Variants in ZNF699 observed in about 807,000 individuals in gnomAD.
ZNF699 encodes hangover homolog.
ZNF699 carries 18 observed loss-of-function variants against 22.5 expected under a neutral mutation model. The ratio of observed to expected loss-of-function variants is 0.80; its 90% CI spans 0.55 to 1.19. The LOEUF (loss-of-function observed/expected upper bound fraction) is 1.19. Ranked by LOEUF, ZNF699 falls within the 50% of genes most tolerant of loss-of-function variation. The pLI is 0.00. For missense variants in ZNF699, 670 were observed against 763.4 expected (o/e 0.88, Z 1.44); for synonymous variants, 241 against 262.3 (o/e 0.92, Z 0.78).
In ZNF699 at chr19:9,297,846, C is replaced by G. The variant is rs774565814; in HGVS notation, c.286+34G>C. The G allele has an allele frequency of 1.3e-6, 2 of 1,529,616 alleles. No homozygotes were observed. Among genetic ancestry groups the G allele is most frequent in the Non-Finnish European group, 1.8e-6 (2 of 1,111,324 alleles). 94.8% of individuals were successfully genotyped at this position (1,529,616 alleles called of 1,614,324 possible). ...TTTTTACTTTAAGTTTATTTTTTCCCCCAACCAAAACAGTTTCTCCCAAGG... is the reference window on the plus strand; with the variant it reads ...TTTTTACTTTAAGTTTATTTTTTCCGCCAACCAAAACAGTTTCTCCCAAGG... On this transcript the variant is annotated intron_variant, in intron 4 of 5. Coordinates refer to ENST00000591998, the MANE Select transcript of ZNF699 (RefSeq NM_198535.3). The surrounding 1 kb of genome is among the most constrained non-coding windows in gnomAD (Gnocchi z 4.3).
At position 9,305,272 on chromosome 19, in the gene ZNF699, C is replaced by A. The variant is rs971686720; in HGVS notation, c.-5-148G>T. ...CAACTCCCCTCAAAACACATACACA[C>A]ACACACACACACACATGCACACACC... On this transcript the variant is annotated intron_variant, in intron 1 of 5. Coordinates refer to ENST00000591998, the MANE Select transcript of ZNF699 (RefSeq NM_198535.3). 3.0e-5 allele frequency: 19 copies of A among 624,008 alleles called. No homozygotes were observed. In the Admixed American group the frequency reaches 4.1e-4, roughly 14 times the overall value. 38.7% of individuals were successfully genotyped at this position (624,008 alleles called of 1,614,324 possible). A position where few individuals can be genotyped will look rare whatever the true frequency, so the allele number is the denominator to read the frequency against.
In ZNF699 at chr19:9,296,884, C is replaced by G; in HGVS notation, c.520G>C (p.Gly174Arg). Residue 174 changes from glycine (G) to arginine (R), a missense_variant, in exon 6 of 6, where the codon GGA becomes CGA. Gly to Arg is a moderately radical substitution (Grantham distance 125). Transcript: ENST00000591998. ...IYECYEENQD[G>R]QTFSQVPNLD... The stretch of plus-strand genomic sequence containing the variant: ...TTTGGAACTTGGCTGAAAGTCTGTC[C>G]ATCTTGATTTTCTTCATAACATTCA... 6.2e-7 allele frequency: 1 copy of G among 1,612,962 alleles called. No homozygotes were observed. The highest frequency in any genetic ancestry group is 8.5e-7 in the Non-Finnish European group (1 of 1,179,048).
rs1332793799 is a variant in ZNF699, at chr19:9,295,932, G to A, written c.1472C>T (p.Thr491Ile). 1 of 1,613,946 alleles carries A rather than the reference G, an allele frequency of 6.2e-7. No homozygotes were observed. Among genetic ancestry groups the A allele is most frequent in the Non-Finnish European group, 8.5e-7 (1 of 1,180,002 alleles). The stretch of plus-strand genomic sequence containing the variant: ...TCCGCTGTGAGTTCTTAGGTGTTCG[G>A]TGAGGGATGAGGAACGACTAAAGGT... ...GKTFSRSSSL[T>I]EHLRTHSGEK... The change falls in exon 6 of 6, where the codon ACC becomes ATC. Residue 491 changes from threonine (T) to isoleucine (I), a missense_variant. Transcript: ENST00000591998.
In ZNF699 at chr19:9,292,407, T is replaced by C. The variant is rs2066268474; in HGVS notation, c.*3068A>G. Among the ~76,000 whole-genome samples the C allele has an allele frequency of 6.6e-6, 1 of 152,140 alleles. No homozygotes were observed. The highest frequency in any genetic ancestry group is 2.1e-4 in the South Asian group (1 of 4,832). ...GAACCACTCAAAAAGACAATCACTC[T>C]TTTCTCCCTGAGACTTTAAGTTGGG... On this transcript the variant is annotated 3_prime_UTR_variant, in exon 6 of 6. Coordinates refer to ENST00000591998, the MANE Select transcript of ZNF699 (RefSeq NM_198535.3).
At position 9,295,555 on chromosome 19, in the gene ZNF699, A is replaced by C. The variant is rs1237555499; in HGVS notation, c.1849T>G (p.Cys617Gly). ...ACAAAGGCTTTCCCACATTCCTTAC[A>C]TTCATAGGGTTTCTCTCCAGTGTGG... is the stretch of plus-strand genomic sequence containing the variant. ...RSHTGEKPYE[C>G]KECGKAFVCP... Residue 617 changes from cysteine to glycine, a missense_variant, in exon 6 of 6, where the codon TGT becomes GGT. Cys to Gly is a radical substitution (Grantham distance 159). Transcript: ENST00000591998. The C allele has an allele frequency of 6.2e-7, 1 of 1,614,054 alleles. No individual in the cohort carries two copies. The highest frequency in any genetic ancestry group is 1.1e-5 in the South Asian group (1 of 91,090).
At position 9,293,924 on chromosome 19, in the gene ZNF699, C is replaced by T. The variant is rs1414580111; in HGVS notation, c.*1551G>A. On this transcript the variant is annotated 3_prime_UTR_variant, in exon 6 of 6. Transcript: ENST00000591998. ...GTACCTGAAGCAATTCATCTTCTTACATTTAAAAAAAAAAAAAAAGCAGTA... is the reference window on the plus strand; with the variant it reads ...GTACCTGAAGCAATTCATCTTCTTATATTTAAAAAAAAAAAAAAAGCAGTA... Among the ~76,000 whole-genome samples the T allele has an allele frequency of 8.2e-6, 1 of 121,698 alleles. No individual in the cohort carries two copies. The highest frequency in any genetic ancestry group is 2.7e-5 in the African/African-American group (1 of 36,572). The allele number at this position is 121,698 out of a possible 152,430, so 79.8% of individuals were successfully genotyped here.
rs1212201432 is a variant in ZNF699 at position 9,293,580 on chromosome 19, C to T, written c.*1895G>A. On this transcript the variant is annotated 3_prime_UTR_variant, in exon 6 of 6. Transcript: ENST00000591998. ...TTAACATTTGGATGAAAATCAAGAA[C>T]AAGCACACCAAGTCAATTATAGTAA... Among the ~76,000 whole-genome samples, 2 of 152,088 alleles carry T rather than the reference C, an allele frequency of 1.3e-5. No homozygotes were observed. The highest frequency in any genetic ancestry group is 4.8e-5 in the African/African-American group (2 of 41,414).
intron 3 of ZNF699, among the ~76,000 whole-genome samples, chr19:9,300,561 A>G (rs1249168446): frequency 1.3e-5 from 2 of 152,224 alleles, no homozygotes; most frequent in Non-Finnish European, 2.9e-5. Flanking sequence ...CAGTAGGTGA[A>G]TGGATAAACC....
chr19:9,299,959 C>T (rs746904537), intron 3 of ZNF699, among the ~76,000 whole-genome samples: 2 of 151,854 alleles, frequency 1.3e-5, no homozygotes, highest in Non-Finnish European at 2.9e-5. Flanking sequence ...TGAAAAGATG[C>T]TCAACATCAT....
chr19:9,293,793 T>C lies in ZNF699; in HGVS notation c.*1682A>G, dbSNP rs2066274834. ...TGTATAATAAAATAAAAAGTGATTATGGGGAAATAGTAGAGTTATACTTTT... is the reference window on the plus strand; with the variant it reads ...TGTATAATAAAATAAAAAGTGATTACGGGGAAATAGTAGAGTTATACTTTT... On this transcript the variant is annotated 3_prime_UTR_variant, in exon 6 of 6. Transcript: ENST00000591998. Among the ~76,000 whole-genome samples the C allele has an allele frequency of 6.6e-6, 1 of 152,098 alleles. No homozygotes were observed. The highest frequency in any genetic ancestry group is 2.1e-4 in the South Asian group (1 of 4,824).
intron 1 of ZNF699, among the ~76,000 whole-genome samples, chr19:9,308,698 T>C (rs2066336461): frequency 1.3e-5 from 2 of 152,082 alleles, no homozygotes; most frequent in Admixed American, 1.3e-4. Context: ...AATGGTGAAA[T>C]GATAGAATAA....
intron 2 of ZNF699, among the ~76,000 whole-genome samples, chr19:9,303,120 A>G (rs2066314224): frequency 6.6e-6 from 1 of 152,230 alleles, no homozygotes. Flanking sequence ...TAGTCACTCA[A>G]TACTGTACAG....
rs757226516 is a variant in ZNF699, at chr19:9,305,081, A to G, written c.39T>C (p.Asn13=). The change falls in exon 2 of 6, where the codon AAT becomes AAC. Residue 13 remains asparagine (N), a synonymous_variant. Coordinates refer to ENST00000591998, the MANE Select transcript of ZNF699 (RefSeq NM_198535.3). ...ATCACCTTTTACTTACCTGTATTCT[A>G]TTTTTCTGTAACTCAGCAGTTTTTC... ...EERKTAELQK[N]RIQDSVVFED... The G allele has an allele frequency of 1.2e-5, 20 of 1,612,942 alleles. No homozygotes were observed. In the East Asian group the frequency reaches 3.1e-4, roughly 25 times the overall value.
intron 2 of ZNF699, among the ~76,000 whole-genome samples, chr19:9,303,925 CCCCTGCCTCA>C (rs1366447825): frequency 6.6e-6 from 1 of 151,598 alleles, no homozygotes; most frequent in East Asian, 1.9e-4. Context: ...TCAAGCAATT[CCCCTGCCTCA>C]GCCTCCCGAG....
chr19:9,300,279 A>T lies in ZNF699; in HGVS notation c.175+2099T>A, dbSNP rs1210499061. On this transcript the variant is annotated intron_variant, in intron 3 of 5. Coordinates refer to ENST00000591998, the MANE Select transcript of ZNF699 (RefSeq NM_198535.3). ...GTATTTTTAGTACAGATGGAGTTTC[A>T]CCCTGTTAGCCAGGATGGTCTCGAT... Among the ~76,000 whole-genome samples, 8 of 151,932 alleles carry T rather than the reference A, an allele frequency of 5.3e-5. 1 individual carries two copies. In the South Asian group the frequency reaches 1.7e-3, roughly 32 times the overall value.
chr19:9,300,206 G>T (rs550872925), intron 3 of ZNF699, among the ~76,000 whole-genome samples: 13 of 152,132 alleles, frequency 8.5e-5, no homozygotes, highest in Non-Finnish European at 1.8e-4. Flanking sequence ...TCAGCCTCCC[G>T]AGTAGCTGGG....
chr19:9,305,924 A>C (rs1405999313), intron 1 of ZNF699, among the ~76,000 whole-genome samples: 5 of 151,698 alleles, frequency 3.3e-5, no homozygotes. Context: ...GGATGGTGTC[A>C]ATCTCCTGAC....
In ZNF699 at chr19:9,295,979, A is replaced by G. The variant is rs1004849827; in HGVS notation, c.1425T>C (p.Tyr475=). ...HVRDHTGKIQ[Y]ECKECGKTFS... ...AGGTCTTCCCACACTCCTTACATTC[A>G]TACTGTATCTTTCCAGTGTGATCTC... The change falls in exon 6 of 6, where the codon TAT becomes TAC. Residue 475 remains tyrosine, a synonymous_variant. Transcript: ENST00000591998. 1 of 1,614,092 alleles carries G rather than the reference A, an allele frequency of 6.2e-7. No individual in the cohort carries two copies. Among genetic ancestry groups the G allele is most frequent in the Admixed American group, 1.7e-5 (1 of 60,008 alleles).
intron 3 of ZNF699, among the ~76,000 whole-genome samples, chr19:9,300,860 A>C (rs1020274414): frequency 1.3e-5 from 2 of 152,246 alleles, no homozygotes; most frequent in African/African-American, 4.8e-5. Flanking sequence ...TGATATTATA[A>C]TGGTGGATAC....
Sources: gnomAD v4.1 joint callset for allele counts (sites outside exome capture counted in the v4.1 genomes callset) on GRCh38, gnomAD v4.1.1 for gene constraint, Gnocchi (gnomAD v3.1) non-coding constraint, MANE v1.5 for transcripts, NCBI Gene and HGNC (gene_info 2026-07-23, HGNC 2026-07-21) for gene names.